The following CADPS variants were observed in gnomAD, a reference collection of about 807,000 sequenced individuals.
The protein encoded by CADPS is calcium dependent secretion activator.
Under a neutral mutation model 167.3 loss-of-function variants are expected in CADPS, and 57 were observed. The observed-to-expected ratio is 0.34, with a 90% CI of 0.28 to 0.42. The LOEUF is 0.42. Ranked by LOEUF, CADPS falls within the 20% of genes least tolerant of loss-of-function variation. The probability of loss-of-function intolerance (pLI) is 1.00; values close to 1 mark genes in which losing one functional copy is unlikely to be tolerated. For synonymous variants in CADPS, 676 were observed against 635.3 expected (o/e 1.06, Z -0.96); for missense variants, 1,414 against 1,738.1 (o/e 0.81, Z 3.32).
intron 28 of CADPS, among the ~76,000 whole-genome samples, chr3:62,422,293 A>G (rs2051590139): frequency 6.6e-6 from 1 of 152,146 alleles, no homozygotes; most frequent in South Asian, 2.1e-4. Context: ...TGAGCCCCCA[A>G]CCTGAATGCC....
intron 11 of CADPS, 47 bp from the exon 12 acceptor site, chr3:62,536,628 T>A: frequency 6.3e-7 from 1 of 1,583,018 alleles, no homozygotes; most frequent in Non-Finnish European, 8.7e-7. Flanking sequence ...GAGAAACACA[T>A]CACATTTTCT....
chr3:62,424,940 C>T (rs548324242), intron 28 of CADPS, among the ~76,000 whole-genome samples: 1 of 152,120 alleles, frequency 6.6e-6, no homozygotes, highest in Non-Finnish European at 1.5e-5. Flanking sequence ...TTACATATGC[C>T]GGACACTAGT....
At chr3:62,866,926 G>T (rs529684242) in intron 1 of CADPS, among the ~76,000 whole-genome samples, 1 of 151,976 alleles carries the variant, frequency 6.6e-6, no homozygotes, top group African/African-American at 2.4e-5. Context: ...GAGCTGACCA[G>T]GAATTTGAAC....
intron 26 of CADPS, among the ~76,000 whole-genome samples, chr3:62,447,289 A>G (rs1164364186): frequency 6.6e-6 from 1 of 152,206 alleles, no homozygotes; most frequent in East Asian, 1.9e-4. Context: ...CTTTAAAGCA[A>G]GGAACACACA....
intron 6 of CADPS, among the ~76,000 whole-genome samples, chr3:62,641,674 G>A (rs2600858): frequency 0.97 from 148,246 of 152,194 alleles, 72,309 homozygotes; most frequent in Middle Eastern, 1. Flanking sequence ...TGTAAAATAA[G>A]TACGTCTCAT....
In CADPS at chr3:62,549,886, A is replaced by G; in HGVS notation, c.1966+17T>C. The G allele has an allele frequency of 6.3e-7, 1 of 1,595,516 alleles. No homozygotes were observed. Among genetic ancestry groups the G allele is most frequent in the Non-Finnish European group, 8.6e-7 (1 of 1,163,892 alleles). On this transcript the variant is annotated intron_variant, in intron 11 of 29. Transcript: ENST00000383710. ...TACTCTACAGAGCTATTTTTGTAAAACGGCATATTTACTTACAAAATTGAG... is the reference window on the plus strand; with the variant it reads ...TACTCTACAGAGCTATTTTTGTAAAGCGGCATATTTACTTACAAAATTGAG...
chr3:62,625,095 T>C (rs2063813256), intron 6 of CADPS: 1 of 150,490 alleles, frequency 6.6e-6, no homozygotes, highest in South Asian at 2.1e-4. Flanking sequence ...TTAGGGTCTT[T>C]GCTCCTTTGT....
Position 62,771,677 on chromosome 3 carries a change from T to G in CADPS, c.442-5693A>C, listed in dbSNP as rs556794759. On this transcript the variant is annotated intron_variant, in intron 1 of 29. Coordinates refer to ENST00000383710, the MANE Select transcript of CADPS (RefSeq NM_003716.4). ...GTACATCAAGGTCAGAATTCAGAAT[T>G]GCAGTAATGAATTCCAAGCAGAAAA... 1.0e-3 allele frequency among the ~76,000 whole-genome samples: 157 copies of G among 152,216 alleles called. 2 individuals carry two copies. Among genetic ancestry groups the G allele is most frequent in the African/African-American group, 3.5e-3 (145 of 41,548 alleles).
intron 16 of CADPS, chr3:62,513,527 T>C: frequency 2.9e-6 from 2 of 692,168 alleles, no homozygotes; most frequent in Non-Finnish European, 5.0e-6. Flanking sequence ...GACAAGCCAA[T>C]GCTAAAAAAC....
intron 1 of CADPS, among the ~76,000 whole-genome samples, chr3:62,862,195 AT>A (rs1217394570): frequency 1.3e-5 from 2 of 150,662 alleles, no homozygotes; most frequent in Non-Finnish European, 3.0e-5. Flanking sequence ...TCATAAAAAT[AT>A]TGATAGCATT....
chr3:62,557,032 C>G (rs1236473574), intron 10 of CADPS, among the ~76,000 whole-genome samples: 4 of 151,562 alleles, frequency 2.6e-5, no homozygotes, highest in South Asian at 4.2e-4. Context: ...CACACACACA[C>G]ACACACACAC....
Position 62,504,202 on chromosome 3 carries a change from A to T in CADPS, c.2600-4934T>A, listed in dbSNP as rs2066234814. Among the ~76,000 whole-genome samples, 3 of 152,220 alleles carry T rather than the reference A, an allele frequency of 2.0e-5. No individual in the cohort carries two copies. The South Asian group carries it at 6.2e-4, about 31-fold the overall frequency. On this transcript the variant is annotated intron_variant, in intron 17 of 29. Coordinates refer to ENST00000383710, the MANE Select transcript of CADPS (RefSeq NM_003716.4). ...CCTCTTATTGAAATTGTTTGGGAAA[A>T]AAATGTGTGTAAATAGAATTTGGAA...
At chr3:62,756,038 C>T (rs2083811303) in intron 2 of CADPS, among the ~76,000 whole-genome samples, 2 of 150,950 alleles carry the variant, frequency 1.3e-5, no homozygotes, top group African/African-American at 2.4e-5. Context: ...CTCTGATTCT[C>T]TAATTTCTTT....
At chr3:62,860,964 A>T (rs2080686199) in intron 1 of CADPS, among the ~76,000 whole-genome samples, 1 of 152,142 alleles carries the variant, frequency 6.6e-6, no homozygotes. Flanking sequence ...AGAAAGGACA[A>T]ATCCAAGATT....
intron 3 of CADPS, among the ~76,000 whole-genome samples, chr3:62,667,977 C>A (rs182828511): frequency 6.6e-6 from 1 of 152,080 alleles, no homozygotes; most frequent in Admixed American, 6.5e-5. Flanking sequence ...CTTGACAGTG[C>A]GCCTGGGAGA....
chr3:62,687,375 T>A (rs549249105), intron 3 of CADPS, among the ~76,000 whole-genome samples: 1 of 152,232 alleles, frequency 6.6e-6, no homozygotes, highest in East Asian at 1.9e-4. Context: ...CAAGAAATAC[T>A]GCAAAATGCC....
At chr3:62,589,655 G>A (rs1339032602) in intron 7 of CADPS, among the ~76,000 whole-genome samples, 1 of 152,272 alleles carries the variant, frequency 6.6e-6, no homozygotes, top group South Asian at 2.1e-4. Flanking sequence ...GAGCACTGAG[G>A]GGCTGTGCAC....
At chr3:62,618,694 C>T (rs1351552482) in intron 6 of CADPS, among the ~76,000 whole-genome samples, 1 of 152,220 alleles carries the variant, frequency 6.6e-6, no homozygotes, top group Non-Finnish European at 1.5e-5. Context: ...GTTCTTCCCA[C>T]TGGGCTGGCA....
chr3:62,470,849 C>T (rs1467470737), intron 24 of CADPS: 3 of 151,282 alleles, frequency 2.0e-5, no homozygotes, highest in Non-Finnish European at 2.9e-5. Flanking sequence ...TGTGTGCGCG[C>T]TATTTTGGGA....
Sources: allele counts gnomAD v4.1 joint callset (sites outside exome capture counted in the v4.1 genomes callset), GRCh38; gene constraint gnomAD v4.1.1; transcripts MANE v1.5; gene names NCBI Gene and HGNC (gene_info 2026-07-23, HGNC 2026-07-21).